SYNPR: variants seen among roughly 807,000 people sequenced by gnomAD.
SYNPR encodes the protein synaptoporin.
A neutral mutation model predicts 32.9 loss-of-function variants in SYNPR; 23 were observed. The ratio of observed to expected loss-of-function variants is 0.70; its 90% CI spans 0.50 to 0.99. SYNPR has a LOEUF of 0.99. Among genes scored for constraint, SYNPR ranks in the 50% least tolerant of loss-of-function variants. The pLI is 0.00. For synonymous variants in SYNPR, 146 were observed against 135.9 expected, an observed-to-expected ratio of 1.07 and a Z score of -0.52; for missense variants, 318 against 349.3, an observed-to-expected ratio of 0.91 and a Z score of 0.71.
intron 2 of SYNPR, among the ~76,000 whole-genome samples, chr3:63,340,982 G>A (rs905060020): frequency 6.6e-6 from 1 of 152,158 alleles, no homozygotes; most frequent in Non-Finnish European, 1.5e-5. Context: ...CATTTACAGT[G>A]TCATACAGAA....
At chr3:63,220,519 G>A in the SYNPR span, among the ~76,000 whole-genome samples, 2 of 152,054 alleles carry the variant, frequency 1.3e-5, no homozygotes, top group Non-Finnish European at 2.9e-5. Context: ...TCACTGTAGG[G>A]GTGTGTAAAA....
At chr3:63,423,397 C>G (rs886401557) in intron 2 of SYNPR, among the ~76,000 whole-genome samples, 3 of 152,128 alleles carry the variant, frequency 2.0e-5, no homozygotes, top group African/African-American at 7.2e-5. Flanking sequence ...ACAAGGCTGG[C>G]CAGCGAGGAG....
intron 4 of SYNPR, among the ~76,000 whole-genome samples, chr3:63,570,028 T>A (rs997507320): frequency 6.6e-6 from 1 of 152,166 alleles, no homozygotes; most frequent in South Asian, 2.1e-4. Flanking sequence ...GCAGCTTTCA[T>A]TGGCTTTGTT....
chr3:63,589,641 C>T (rs1016234875), intron 4 of SYNPR, among the ~76,000 whole-genome samples: 1 of 151,010 alleles, frequency 6.6e-6, no homozygotes, highest in African/African-American at 2.4e-5. Context: ...GGATGCAAGG[C>T]TGGTTCAATA....
Position 63,609,195 on chromosome 3 carries a change from C to G in SYNPR, c.479C>G (p.Ser160Cys). ...VGSSAWAKGLSDVKVATDPKE... is the reference protein window; with the variant it reads ...VGSSAWAKGLCDVKVATDPKE... ...TCATCAGCTTGGGCAAAAGGACTGT[C>G]TGACGTCAAAGTTGCAACGGATCCC... Residue 160 changes from serine to cysteine, a missense_variant, in exon 5 of 6, where the codon TCT (serine) becomes TGT (cysteine). Transcript: ENST00000478300. The G allele has an allele frequency of 6.2e-7, 1 of 1,611,172 alleles. No individual in the cohort carries two copies. The highest frequency in any genetic ancestry group is 1.1e-5 in the South Asian group (1 of 90,226).
chr3:63,387,917 G>C (rs1274500726), intron 2 of SYNPR, among the ~76,000 whole-genome samples: 1 of 152,124 alleles, frequency 6.6e-6, no homozygotes. Flanking sequence ...TGAAGAAATG[G>C]ATCAGAGAAA....
chr3:63,241,466 A>G (rs901315047), intron 1 of SYNPR, among the ~76,000 whole-genome samples: 2 of 152,132 alleles, frequency 1.3e-5, no homozygotes, highest in Non-Finnish European at 2.9e-5. Context: ...TTCTCTTGCC[A>G]TTAATTGGTT....
intron 4 of SYNPR, among the ~76,000 whole-genome samples, chr3:63,593,384 G>A (rs1699877081): frequency 6.6e-6 from 1 of 152,072 alleles, no homozygotes; most frequent in Admixed American, 6.6e-5. Context: ...TGAAGACTTT[G>A]CATCTATTCT....
intron 4 of SYNPR, among the ~76,000 whole-genome samples, chr3:63,607,088 A>G (rs1203714973): frequency 1.3e-5 from 2 of 152,176 alleles, no homozygotes; most frequent in African/African-American, 2.4e-5. Context: ...TCCCCATTCT[A>G]TGGGCCTTTC....
At chr3:63,496,228 C>T (rs74918274) in intron 3 of SYNPR, among the ~76,000 whole-genome samples, 25,519 of 151,808 alleles carry the variant, frequency 0.17, 2,642 homozygotes, top group Non-Finnish European at 0.22. Flanking sequence ...TTTTGATGTA[C>T]GTTATTTCAG....
At chr3:63,527,220 C>G (rs1015481036) in intron 3 of SYNPR, among the ~76,000 whole-genome samples, 1 of 152,080 alleles carries the variant, frequency 6.6e-6, no homozygotes, top group African/African-American at 2.4e-5. Flanking sequence ...TGTATAGGCT[C>G]CAGTGGAAAA....
chr3:63,296,351 G>A (rs1052705693), intron 2 of SYNPR, among the ~76,000 whole-genome samples: 1 of 152,184 alleles, frequency 6.6e-6, no homozygotes, highest in Non-Finnish European at 1.5e-5. Context: ...AATTCTGGAC[G>A]TGGCCCACAG....
At chr3:63,608,608 G>T (rs929998635) in intron 4 of SYNPR, among the ~76,000 whole-genome samples, 1 of 152,134 alleles carries the variant, frequency 6.6e-6, no homozygotes, top group Non-Finnish European at 1.5e-5. Flanking sequence ...ATGAATGAAT[G>T]AATGAATGAG....
chr3:63,338,510 C>A (rs951916592), intron 2 of SYNPR, among the ~76,000 whole-genome samples: 3 of 152,186 alleles, frequency 2.0e-5, no homozygotes, highest in Non-Finnish European at 4.4e-5. Context: ...ATTCAAATCC[C>A]TTCTGAGTAT....
intron 2 of SYNPR, among the ~76,000 whole-genome samples, chr3:63,407,368 A>C (rs1343815992): frequency 6.6e-6 from 1 of 152,208 alleles, no homozygotes; most frequent in Non-Finnish European, 1.5e-5. Context: ...ATCATTTTAT[A>C]CTAAGGGAGC....
At chr3:63,458,118 G>C (rs1423732762) in intron 2 of SYNPR, among the ~76,000 whole-genome samples, 1 of 152,092 alleles carries the variant, frequency 6.6e-6, no homozygotes, top group Non-Finnish European at 1.5e-5. Flanking sequence ...TAATTAAATT[G>C]TTGCATTTAA....
intron 1 of SYNPR, among the ~76,000 whole-genome samples, chr3:63,231,548 T>C (rs2106873441): frequency 6.6e-6 from 1 of 151,962 alleles, no homozygotes; most frequent in South Asian, 2.1e-4. Context: ...ATTAAATTCT[T>C]AAGTCTTCCA....
At chr3:63,487,050 C>G (rs985388802) in intron 3 of SYNPR, among the ~76,000 whole-genome samples, 11 of 152,142 alleles carry the variant, frequency 7.2e-5, no homozygotes, top group African/African-American at 1.4e-4. Context: ...ACCTTACAAC[C>G]TTTCTCCTCG....
intron 3 of SYNPR, among the ~76,000 whole-genome samples, chr3:63,483,035 G>A (rs547470513): frequency 6.6e-6 from 1 of 152,300 alleles, no homozygotes; most frequent in South Asian, 2.1e-4. Context: ...TATTGATAAA[G>A]CCTTTTTGGA....
Sources: gnomAD v4.1 joint callset for allele counts (sites outside exome capture counted in the v4.1 genomes callset) on GRCh38, gnomAD v4.1.1 for gene constraint, MANE v1.5 for transcripts, NCBI Gene and HGNC (gene_info 2026-07-23, HGNC 2026-07-21) for gene names.